AGBL1: variants seen among roughly 807,000 people sequenced by gnomAD.
AGBL1 encodes the protein AGBL carboxypeptidase 1.
In AGBL1, 130 loss-of-function variants were observed where a neutral mutation model predicts 118.9. That is an observed-to-expected ratio of 1.09 (90% CI 0.95 to 1.26). AGBL1 has a LOEUF of 1.26. Among genes scored for constraint, AGBL1 ranks in the 50% most tolerant of loss-of-function variants. The probability of loss-of-function intolerance (pLI) is 0.00; values close to 1 mark genes in which losing one functional copy is unlikely to be tolerated. For missense variants in AGBL1, 1,584 were observed against 1,298.1 expected (o/e 1.22, Z -3.38); for synonymous variants, 555 against 478.9 (o/e 1.16, Z -2.08).
At chr15:86,834,507 T>C (rs1048403724) in intron 22 of AGBL1, among the ~76,000 whole-genome samples, 1 of 152,138 alleles carries the variant, frequency 6.6e-6, no homozygotes, top group Non-Finnish European at 1.5e-5. Flanking sequence ...TAGGGATAAA[T>C]TAGGATCTGC....
At chr15:86,345,726 C>T (rs1035821288) in intron 17 of AGBL1, among the ~76,000 whole-genome samples, 5 of 152,038 alleles carry the variant, frequency 3.3e-5, no homozygotes, top group African/African-American at 9.7e-5. Context: ...ATTGATTGGT[C>T]AATAAATATT....
chr15:86,791,728 T>TATATATATATATATATATATA (rs1177264209), intron 22 of AGBL1, among the ~76,000 whole-genome samples: 14 of 142,860 alleles, frequency 9.8e-5, no homozygotes, highest in Non-Finnish European at 1.8e-4. Context: ...TCCTTGTTTT[T>TATATATATATATATATATATA]TATATATATA....
At chr15:86,465,099 T>A (rs558308320) in intron 18 of AGBL1, among the ~76,000 whole-genome samples, 9 of 152,292 alleles carry the variant, frequency 5.9e-5, no homozygotes, top group Admixed American at 5.9e-4. Flanking sequence ...AGGGACCAGC[T>A]GAAGCCATGG....
At chr15:86,875,692 T>C (rs2141517121) in intron 22 of AGBL1, among the ~76,000 whole-genome samples, 1 of 152,340 alleles carries the variant, frequency 6.6e-6, no homozygotes, top group East Asian at 1.9e-4. Flanking sequence ...GCCTCCATGT[T>C]CAAAGGCTGG....
intron 18 of AGBL1, among the ~76,000 whole-genome samples, chr15:86,475,550 G>T (rs1341276285): frequency 1.3e-5 from 2 of 152,162 alleles, no homozygotes; most frequent in African/African-American, 2.4e-5. Flanking sequence ...AATGCAAAAA[G>T]CCTCCAAGAA....
intron 21 of AGBL1, among the ~76,000 whole-genome samples, chr15:86,648,513 G>A (rs2085322033): frequency 6.6e-6 from 1 of 152,138 alleles, no homozygotes; most frequent in African/African-American, 2.4e-5. Flanking sequence ...GGAGCAGGTG[G>A]GGACAATATA....
exon 24 of AGBL1, chr15:86,988,085 C>A: frequency 1.2e-6 from 2 of 1,613,408 alleles, no homozygotes; most frequent in South Asian, 2.2e-5. Context: ...CTGCATGTCT[C>A]CCCGTGAGTA....
chr15:86,481,763 C>A (rs1173781850), intron 18 of AGBL1, among the ~76,000 whole-genome samples: 4 of 152,086 alleles, frequency 2.6e-5, no homozygotes, highest in African/African-American at 9.7e-5. Context: ...GCCAAATCAT[C>A]ATCTTAGAAC....
chr15:86,885,402 C>G (rs532848683), intron 22 of AGBL1, among the ~76,000 whole-genome samples: 1 of 152,280 alleles, frequency 6.6e-6, no homozygotes, highest in South Asian at 2.1e-4. Context: ...TTTTCAGCAG[C>G]TGACTTGAAC....
chr15:86,203,887 A>G (rs1567123819), intron 5 of AGBL1, among the ~76,000 whole-genome samples: 1 of 152,170 alleles, frequency 6.6e-6, no homozygotes, highest in Non-Finnish European at 1.5e-5. Flanking sequence ...TATTTATGCA[A>G]AGACTTGATT....
chr15:86,868,628 G>A (rs868672077), intron 22 of AGBL1, among the ~76,000 whole-genome samples: 1 of 152,174 alleles, frequency 6.6e-6, no homozygotes, highest in African/African-American at 2.4e-5. Flanking sequence ...ATGTTGTAAC[G>A]AAATATGACT....
At chr15:86,831,347 A>G (rs1047040696) in intron 22 of AGBL1, among the ~76,000 whole-genome samples, 6 of 152,236 alleles carry the variant, frequency 3.9e-5, no homozygotes, top group African/African-American at 1.4e-4. Context: ...TTATTTTAGC[A>G]TTAACTCAAA....
chr15:86,279,827 C>T (rs752625997), intron 16 of AGBL1, 44 bp downstream of exon 16: 2 of 1,601,604 alleles, frequency 1.2e-6, no homozygotes, highest in Non-Finnish European at 8.5e-7. Context: ...ACTGAAGGGG[C>T]TCTCTGAGGT....
At chr15:86,954,891 T>G (rs541117916) in intron 23 of AGBL1, among the ~76,000 whole-genome samples, 15 of 152,360 alleles carry the variant, frequency 9.8e-5, no homozygotes, top group African/African-American at 3.4e-4. Context: ...ATATCTTTTT[T>G]GACTTATTAG....
intron 1 of AGBL1, among the ~76,000 whole-genome samples, chr15:86,123,773 T>C (rs1898235262): frequency 6.6e-6 from 1 of 151,930 alleles, no homozygotes; most frequent in Admixed American, 6.6e-5. Context: ...CTGACCACCT[T>C]GAGCACATGT....
chr15:86,364,860 C>T (rs1049925736), intron 17 of AGBL1, among the ~76,000 whole-genome samples: 2 of 150,608 alleles, frequency 1.3e-5, no homozygotes, highest in Admixed American at 1.3e-4. Flanking sequence ...AGAACTTGTC[C>T]TAATTCCTTA....
chr15:86,872,215 C>T (rs1042778921), intron 22 of AGBL1, among the ~76,000 whole-genome samples: 3 of 152,182 alleles, frequency 2.0e-5, no homozygotes, highest in African/African-American at 7.2e-5. Flanking sequence ...CAAGCAGTGC[C>T]TGTGAATTCT....
intron 18 of AGBL1, among the ~76,000 whole-genome samples, chr15:86,400,493 T>C (rs1158329851): frequency 2.0e-5 from 3 of 151,414 alleles, no homozygotes; most frequent in Admixed American, 2.0e-4. Context: ...GGAACAGGTT[T>C]TTTTTTTTTG....
chr15:86,749,534 C>T (rs1298025198), intron 22 of AGBL1, among the ~76,000 whole-genome samples: 1 of 152,106 alleles, frequency 6.6e-6, no homozygotes, highest in Admixed American at 6.5e-5. Context: ...CTGGCCAGAA[C>T]TTCCAACACT....
Sources: allele counts gnomAD v4.1 joint callset (sites outside exome capture counted in the v4.1 genomes callset), GRCh38; gene constraint gnomAD v4.1.1; transcripts MANE v1.5; gene names NCBI Gene and HGNC (gene_info 2026-07-23, HGNC 2026-07-21).